The following ZNF407 variants were observed in gnomAD, a reference collection of about 807,000 sequenced individuals.
The protein encoded by ZNF407 is zinc finger protein 407.
In ZNF407, 17 loss-of-function variants were observed where a neutral mutation model predicts 131.2. The observed-to-expected ratio is 0.13, with a 90% CI of 0.09 to 0.19. ZNF407 has a LOEUF of 0.19. Among genes scored for constraint, ZNF407 ranks in the 10% least tolerant of loss-of-function variants. The pLI is 1.00. For missense variants in ZNF407, 2,681 were observed against 2,830.6 expected, an observed-to-expected ratio of 0.95 and a Z score of 1.20; for synonymous variants, 1,156 against 1,062.0, an observed-to-expected ratio of 1.09 and a Z score of -1.72.
At chr18:74,610,527 A>C (rs1009895353) in intron 1 of ZNF407, among the ~76,000 whole-genome samples, 1 of 152,054 alleles carries the variant, frequency 6.6e-6, no homozygotes, top group Non-Finnish European at 1.5e-5. Context: ...GTTTTTTAGA[A>C]TAGGACTTAA....
At chr18:74,647,754 T>TACA (rs1985038269) in intron 3 of ZNF407, among the ~76,000 whole-genome samples, 1 of 152,172 alleles carries the variant, frequency 6.6e-6, no homozygotes, top group African/African-American at 2.4e-5. Context: ...TTTTTGTGTG[T>TACA]GGGCATGGTG....
At chr18:74,841,012 G>GAGGT (rs1217440266) in intron 4 of ZNF407, among the ~76,000 whole-genome samples, 1 of 152,198 alleles carries the variant, frequency 6.6e-6, no homozygotes, top group African/African-American at 2.4e-5. Context: ...ACCCAGTGAT[G>GAGGT]AGGTCTCTGT....
At chr18:74,619,305 AG>A (rs1983429578) in intron 1 of ZNF407, among the ~76,000 whole-genome samples, 1 of 152,212 alleles carries the variant, frequency 6.6e-6, no homozygotes, top group Non-Finnish European at 1.5e-5. Flanking sequence ...TGTGTCCTAC[AG>A]CTTATTGGTC....
chr18:74,962,624 C>T (rs1250007048), intron 8 of ZNF407, among the ~76,000 whole-genome samples: 1 of 152,236 alleles, frequency 6.6e-6, no homozygotes, highest in African/African-American at 2.4e-5. Context: ...TATGCCATGC[C>T]CAGTCCTCCA....
chr18:74,971,648 T>C (rs1432408805), intron 8 of ZNF407, among the ~76,000 whole-genome samples: 2 of 152,200 alleles, frequency 1.3e-5, no homozygotes, highest in East Asian at 3.9e-4. Context: ...CTGTCAGCAT[T>C]TTGGGCAAAG....
intron 3 of ZNF407, among the ~76,000 whole-genome samples, chr18:74,682,299 A>G (rs1298785254): frequency 2.0e-5 from 3 of 152,188 alleles, no homozygotes; most frequent in African/African-American, 7.2e-5. Context: ...TGTTCTTGGC[A>G]TTGAAAATTG....
At chr18:74,753,780 T>C (rs1470877080) in intron 3 of ZNF407, among the ~76,000 whole-genome samples, 1 of 152,240 alleles carries the variant, frequency 6.6e-6, no homozygotes, top group Non-Finnish European at 1.5e-5. Context: ...GATTTTTGCA[T>C]TGATGTTCAT....
At position 74,632,153 on chromosome 18, in the gene ZNF407, G is replaced by A; in HGVS notation, c.1134G>A (p.Gln378=). 6.2e-7 allele frequency: 1 copy of A among 1,613,970 alleles called. No individual in the cohort carries two copies. The highest frequency in any genetic ancestry group is 1.1e-5 in the South Asian group (1 of 91,076). ...GTCTAGCTCAGAATCCTGAAAACCA[G>A]AGTAGAAAGCTAGACACCTTAGTAA... ...SLGLAQNPEN[Q]SRKLDTLVTS... Residue 378 remains glutamine (Q), a synonymous_variant, in exon 2 of 9, where the codon CAG becomes CAA. Transcript: ENST00000299687.
At chr18:74,997,496 TA>T (rs369485451) in intron 8 of ZNF407, among the ~76,000 whole-genome samples, 3 of 151,894 alleles carry the variant, frequency 2.0e-5, no homozygotes, top group Non-Finnish European at 4.4e-5. Context: ...AAAACTTAAG[TA>T]AAAAAAATAA....
At chr18:74,841,787 A>T (rs1970637445) in intron 4 of ZNF407, among the ~76,000 whole-genome samples, 1 of 152,200 alleles carries the variant, frequency 6.6e-6, no homozygotes, top group Non-Finnish European at 1.5e-5. Flanking sequence ...AAACTCATGA[A>T]AAAGAGGTAT....
chr18:74,811,375 A>AC (rs1407020449), intron 4 of ZNF407, among the ~76,000 whole-genome samples: 1 of 152,090 alleles, frequency 6.6e-6, no homozygotes, highest in African/African-American at 2.4e-5. Context: ...TCAGGAAACA[A>AC]AGGTGCTGGA....
At chr18:74,983,177 T>C (rs936983256) in intron 8 of ZNF407, among the ~76,000 whole-genome samples, 1 of 152,216 alleles carries the variant, frequency 6.6e-6, no homozygotes, top group African/African-American at 2.4e-5. Flanking sequence ...CTATTTTTTT[T>C]TTAAATCAGT....
rs1324102251 is a variant in ZNF407 at position 74,988,691 on chromosome 18, TG to T, written c.5428+68000del. On this transcript the variant is annotated intron_variant, in intron 8 of 8. Coordinates refer to ENST00000299687, the MANE Select transcript of ZNF407 (RefSeq NM_017757.3). ...AAACAAAAAAAATAGCAGAAGACAATGTGCAAGTGGCCAGTAAGTAGATGAG... is the reference window on the plus strand; with the variant it reads ...AAACAAAAAAAATAGCAGAAGACAATTGCAAGTGGCCAGTAAGTAGATGAG... Among the ~76,000 whole-genome samples, 49 of 151,674 alleles carry T rather than the reference TG, an allele frequency of 3.2e-4. 1 individual carries two copies. Among genetic ancestry groups the T allele is most frequent in the Non-Finnish European group, 1.5e-5 (1 of 67,908 alleles).
intron 8 of ZNF407, among the ~76,000 whole-genome samples, chr18:74,965,583 T>C (rs1262017403): frequency 1.3e-5 from 2 of 152,208 alleles, no homozygotes; most frequent in Non-Finnish European, 2.9e-5. Flanking sequence ...CTTAGGTTGC[T>C]TCCAAATCCT....
intron 4 of ZNF407, among the ~76,000 whole-genome samples, chr18:74,782,953 A>C (rs1969635309): frequency 6.6e-6 from 1 of 152,190 alleles, no homozygotes; most frequent in Non-Finnish European, 1.5e-5. Flanking sequence ...TGCAGCAAAA[A>C]TACATGCATT....
At chr18:74,859,561 T>C (rs1970908296) in intron 4 of ZNF407, among the ~76,000 whole-genome samples, 1 of 152,158 alleles carries the variant, frequency 6.6e-6, no homozygotes, top group Admixed American at 6.6e-5. Context: ...AGAAAGATAA[T>C]TAAGGAGGAA....
intron 3 of ZNF407, among the ~76,000 whole-genome samples, chr18:74,711,777 C>G (rs1318797667): frequency 1.3e-5 from 2 of 152,186 alleles, no homozygotes; most frequent in African/African-American, 2.4e-5. Context: ...TTGGCATGAT[C>G]TCAGCTCACT....
At chr18:74,638,817 T>A (rs1356660278) in intron 2 of ZNF407, among the ~76,000 whole-genome samples, 1 of 152,200 alleles carries the variant, frequency 6.6e-6, no homozygotes, top group African/African-American at 2.4e-5. Flanking sequence ...ATTTTACAAT[T>A]TTGTCTTATA....
chr18:74,667,655 G>T (rs8090565), intron 3 of ZNF407, among the ~76,000 whole-genome samples: 78,530 of 152,036 alleles, frequency 0.52, 21,739 homozygotes, highest in East Asian at 0.81. Context: ...CATTGAGGCC[G>T]GGATTCTACT....
Sources: allele counts gnomAD v4.1 joint callset (sites outside exome capture counted in the v4.1 genomes callset), GRCh38; gene constraint gnomAD v4.1.1; transcripts MANE v1.5; gene names NCBI Gene and HGNC (gene_info 2026-07-23, HGNC 2026-07-21).